TGDS: variants seen among roughly 807,000 people sequenced by gnomAD.
The protein encoded by TGDS is UDP-D-glucose 4,6-dehydratase.
Under a neutral mutation model 52.3 loss-of-function variants are expected in TGDS, and 47 were observed. The ratio of observed to expected loss-of-function variants is 0.90; its 90% CI spans 0.71 to 1.15. The LOEUF is 1.15. Ranked by LOEUF, TGDS falls within the 50% of genes most tolerant of loss-of-function variation. The probability of loss-of-function intolerance (pLI) is 0.00; values close to 1 mark genes in which losing one functional copy is unlikely to be tolerated. For missense variants in TGDS, 375 were observed against 418.4 expected, an observed-to-expected ratio of 0.90 and a Z score of 0.90; for synonymous variants, 115 against 136.9, an observed-to-expected ratio of 0.84 and a Z score of 1.12.
rs750961372 is a variant in TGDS, at chr13:94,574,862, A to G, written c.983-10T>C. The stretch of plus-strand genomic sequence containing the variant: ...TCTCTGTACCATTCAACTAATAGGA[A>G]AAAACAAAAGACAAAAAAAAAAAAG... On this transcript the variant is annotated splice_polypyrimidine_tract_variant and intron_variant, in intron 11 of 11. Transcript: ENST00000261296. The G allele has an allele frequency of 2.6e-6, 4 of 1,526,428 alleles. No individual in the cohort carries two copies. In the Admixed American group the frequency reaches 7.8e-5, roughly 30 times the overall value. 94.6% of individuals were successfully genotyped at this position (1,526,428 alleles called of 1,614,324 possible).
chr13:94,594,748 T>A (rs1889319665), intron 1 of TGDS, among the ~76,000 whole-genome samples: 1 of 152,204 alleles, frequency 6.6e-6, no homozygotes, highest in South Asian at 2.1e-4. Context: ...GCCAGCCTGA[T>A]GCTCTCCCCC....
At chr13:94,575,911 A>G (rs1360406353) in intron 11 of TGDS, among the ~76,000 whole-genome samples, 1 of 152,176 alleles carries the variant, frequency 6.6e-6, no homozygotes, top group African/African-American at 2.4e-5. Flanking sequence ...AAAAGACTGC[A>G]TCTATATTTC....
chr13:94,576,089 A>T (rs1433470751), intron 11 of TGDS, among the ~76,000 whole-genome samples: 1 of 152,202 alleles, frequency 6.6e-6, no homozygotes, highest in East Asian at 1.9e-4. Flanking sequence ...CAGGTATTTG[A>T]TTAATGCTAA....
At chr13:94,579,706 C>T (rs2139518532) in intron 7 of TGDS, 188 bp downstream of exon 7, 3 of 459,274 alleles carry the variant, frequency 6.5e-6, no homozygotes, top group African/African-American at 4.0e-5. Context: ...TGTCAGCCAG[C>T]TTGAGACTTA....
In TGDS at chr13:94,592,259, CTGTT is replaced by C; in HGVS notation, c.200_203del (p.Lys67ArgfsTer16). ...TTCATACCTGTATAAATTTGTAGTT[CTGTT>C]TGTTAGAAATGGTTTCAAGATTCTT... On this transcript the variant is annotated frameshift_variant, in exon 3 of 12. Transcript: ENST00000261296. LOFTEE classifies it high-confidence loss of function. The C allele has an allele frequency of 6.2e-7, 1 of 1,610,738 alleles. No homozygotes were observed. Among genetic ancestry groups the C allele is most frequent in the Non-Finnish European group, 8.5e-7 (1 of 1,179,034 alleles).
intron 5 of TGDS, 131 bp downstream of exon 5, chr13:94,582,963 G>C: frequency 2.3e-6 from 2 of 860,948 alleles, no homozygotes; most frequent in Non-Finnish European, 3.5e-6. Context: ...TCCCTCTAGA[G>C]AACCCTAATA....
In TGDS at chr13:94,590,863, T is replaced by C; in HGVS notation, c.303A>G (p.Gln101=). 6.4e-7 allele frequency: 1 copy of C among 1,569,144 alleles called. No individual in the cohort carries two copies. The highest frequency in any genetic ancestry group is 8.6e-7 in the Non-Finnish European group (1 of 1,166,374). ...TAAAACAATGCTTACCTACATGTGT[T>C]TGTGCGGCAAAATGTAGTACTATAT... ...KIDIVLHFAA[Q]THVDLSFVRA... The change falls in exon 4 of 12, where the codon CAA becomes CAG. Residue 101 remains glutamine (Q), a synonymous_variant. Transcript: ENST00000261296.
At chr13:94,595,886 A>G in intron 1 of TGDS, 165 bp downstream of exon 1, 1 of 725,498 alleles carries the variant, frequency 1.4e-6, no homozygotes. Context: ...ACTTCTTTGC[A>G]GGCCAGAGAG....
intron 10 of TGDS, among the ~76,000 whole-genome samples, chr13:94,577,136 C>T (rs1470874514): frequency 1.3e-5 from 2 of 151,582 alleles, no homozygotes; most frequent in African/African-American, 4.8e-5. Context: ...ATCCCTATTT[C>T]ACACTGGAGG....
chr13:94,577,306 T>C, intron 10 of TGDS, 65 bp downstream of exon 10: 1 of 1,269,884 alleles, frequency 7.9e-7, no homozygotes, highest in Non-Finnish European at 1.1e-6. Flanking sequence ...AGTCCACATA[T>C]TTTATAATTT....
intron 2 of TGDS, among the ~76,000 whole-genome samples, chr13:94,592,824 C>A (rs1423523263): frequency 6.6e-6 from 1 of 151,842 alleles, no homozygotes. Context: ...TACCAAAAAA[C>A]AAAACAAAAC....
intron 11 of TGDS, among the ~76,000 whole-genome samples, chr13:94,575,785 A>C (rs1335189861): frequency 1.3e-5 from 2 of 152,104 alleles, no homozygotes; most frequent in African/African-American, 4.8e-5. Flanking sequence ...TACATTTCTA[A>C]ATACAGCTTT....
At chr13:94,591,364 G>C (rs927722741) in intron 3 of TGDS, among the ~76,000 whole-genome samples, 2 of 152,104 alleles carry the variant, frequency 1.3e-5, no homozygotes, top group Non-Finnish European at 2.9e-5. Context: ...AAGTTGAGGC[G>C]GGCAGATCAC....
At chr13:94,588,275 T>C (rs1279348895) in intron 4 of TGDS, among the ~76,000 whole-genome samples, 4 of 150,058 alleles carry the variant, frequency 2.7e-5, no homozygotes, top group African/African-American at 9.8e-5. Flanking sequence ...AATACAAAAT[T>C]AGCTGGGCGT....
chr13:94,576,392 A>G lies in TGDS; in HGVS notation c.904T>C (p.Tyr302His). The G allele has an allele frequency of 6.3e-7, 1 of 1,595,496 alleles. No homozygotes were observed. The highest frequency in any genetic ancestry group is 1.3e-5 in the African/African-American group (1 of 74,438). ...VNDRPTNDMRYPMKSEKIHGL... is the reference protein window; with the variant it reads ...VNDRPTNDMRHPMKSEKIHGL... ...TGTATTTTTTCTGACTTCATTGGGT[A>G]TCTCATGTCATTGGTGGGTCTTGGA... is the stretch of plus-strand genomic sequence containing the variant. The change falls in exon 11 of 12, where the codon TAC (tyrosine) becomes CAC (histidine). Residue 302 changes from tyrosine to histidine, a missense_variant. Coordinates refer to ENST00000261296, the MANE Select transcript of TGDS (RefSeq NM_014305.4).
intron 1 of TGDS, among the ~76,000 whole-genome samples, chr13:94,594,980 C>T (rs1889326642): frequency 2.0e-5 from 3 of 152,128 alleles, no homozygotes; most frequent in Non-Finnish European, 4.4e-5. Flanking sequence ...AGTCTCTGTC[C>T]TTACCGAGTT....
rs910673315 is a variant in TGDS, at chr13:94,592,902, A to G, written c.154-593T>C. On this transcript the variant is annotated intron_variant, in intron 2 of 11. Coordinates refer to ENST00000261296, the MANE Select transcript of TGDS (RefSeq NM_014305.4). ...CTGGGGGTGGTGGCTCATGCCTGTA[A>G]TCCCAGCACTTTGGGAGACTGAGGA... Among the ~76,000 whole-genome samples, 9 of 152,128 alleles carry G rather than the reference A, an allele frequency of 5.9e-5. 1 individual carries two copies. The highest frequency in any genetic ancestry group is 2.2e-4 in the African/African-American group (9 of 41,426).
At chr13:94,592,362 C>T in intron 2 of TGDS, 53 bp from the exon 3 acceptor site, 2 of 1,370,352 alleles carry the variant, frequency 1.5e-6, no homozygotes, top group South Asian at 2.6e-5. Flanking sequence ...ATTAGCTTTT[C>T]CAATCAAATA....
chr13:94,592,970 A>G (rs147860116), intron 2 of TGDS, among the ~76,000 whole-genome samples: 120 of 152,218 alleles, frequency 7.9e-4, no homozygotes, highest in African/African-American at 2.8e-3. Flanking sequence ...CCTGGCCAAC[A>G]TCGTGAAACC....
Sources: gnomAD v4.1 joint callset for allele counts (sites outside exome capture counted in the v4.1 genomes callset) on GRCh38, gnomAD v4.1.1 for gene constraint, MANE v1.5 for transcripts, NCBI Gene and HGNC (gene_info 2026-07-23, HGNC 2026-07-21) for gene names.